The following FGR variants were observed in gnomAD, a reference collection of about 807,000 sequenced individuals.
FGR encodes tyrosine-protein kinase Fgr.
Under a neutral mutation model 63.2 loss-of-function variants are expected in FGR, and 26 were observed. The observed-to-expected ratio is 0.41, with a 90% confidence interval of 0.30 to 0.57. The LOEUF is 0.57. Among genes scored for constraint, FGR ranks in the 20% least tolerant of loss-of-function variants. The pLI is 0.27. For synonymous variants in FGR, 286 were observed against 277.7 expected (o/e 1.03, Z -0.30); for missense variants, 511 against 690.8 (o/e 0.74, Z 2.92).
chr1:27,615,685 G>A lies in FGR; in HGVS notation c.838+4C>T. 3 of 1,599,548 alleles carry A rather than the reference G, an allele frequency of 1.9e-6. No individual in the cohort carries two copies. Among genetic ancestry groups the A allele is most frequent in the Non-Finnish European group, 2.6e-6 (3 of 1,169,628 alleles). ...CCTCGTCCCGGCCCCCGGGAGCTCC[G>A]TACCCAGCCACACATCCCCGAAGCA... On this transcript the variant is annotated splice_donor_region_variant and intron_variant, in intron 8 of 12. Coordinates refer to ENST00000374005, the MANE Select transcript of FGR (RefSeq NM_005248.3). The surrounding 1 kb of genome is among the most constrained non-coding windows in gnomAD (Gnocchi z 7.6).
intron 5 of FGR, among the ~76,000 whole-genome samples, chr1:27,620,877 A>T (rs1208377054): frequency 6.7e-6 from 1 of 149,788 alleles, no homozygotes; most frequent in Non-Finnish European, 1.5e-5. Context: ...AAAAAAAAAT[A>T]TTAGCCAGGC....
intron 4 of FGR, 38 bp downstream of exon 4, chr1:27,623,004 C>A: frequency 1.4e-6 from 2 of 1,449,982 alleles, no homozygotes; most frequent in African/African-American, 1.4e-5. Context: ...CTGCTCCCAG[C>A]CCAGGCAATG....
At position 27,616,819 on chromosome 1, in the gene FGR, A is replaced by C. The variant is rs2089820523; in HGVS notation, c.682+38T>G. The stretch of plus-strand genomic sequence containing the variant: ...AGTTCCCCCATCTGGACAATGCTTC[A>C]GTTGGTTGGTTCAGGGATCTGAGGC... On this transcript the variant is annotated intron_variant, in intron 7 of 12. Transcript: ENST00000374005. The surrounding 1 kb of genome is among the most constrained non-coding windows in gnomAD (Gnocchi z 4.3). The C allele has an allele frequency of 6.2e-7, 1 of 1,607,490 alleles. No individual in the cohort carries two copies. The highest frequency in any genetic ancestry group is 8.5e-7 in the Non-Finnish European group (1 of 1,174,256).
intron 5 of FGR, among the ~76,000 whole-genome samples, chr1:27,620,145 C>T (rs1216206011): frequency 6.6e-6 from 1 of 151,372 alleles, no homozygotes; most frequent in Non-Finnish European, 1.5e-5. Flanking sequence ...CGTGAAACCC[C>T]GTCTCTACTA....
intron 5 of FGR, among the ~76,000 whole-genome samples, chr1:27,619,798 G>T (rs112055047): frequency 1.3e-5 from 2 of 152,094 alleles, no homozygotes; most frequent in African/African-American, 4.8e-5. Flanking sequence ...TGTGTTTCCC[G>T]CCTTAGCAAA....
At chr1:27,634,341 G>A (rs911335181) in intron 1 of FGR, among the ~76,000 whole-genome samples, 4 of 152,144 alleles carry the variant, frequency 2.6e-5, no homozygotes, top group Non-Finnish European at 4.4e-5. Context: ...TGTCCCTGCC[G>A]AGGGCGGGGA....
intron 1 of FGR, among the ~76,000 whole-genome samples, chr1:27,629,526 G>A (rs1251166918): frequency 6.6e-6 from 1 of 152,118 alleles, no homozygotes; most frequent in Non-Finnish European, 1.5e-5. Flanking sequence ...AAAGAGACAA[G>A]GAGGGAAAAA....
chr1:27,634,535 C>A (rs2090151730), intron 1 of FGR, among the ~76,000 whole-genome samples: 1 of 152,140 alleles, frequency 6.6e-6, no homozygotes, highest in African/African-American at 2.4e-5. Context: ...TTCCTGGACC[C>A]GCAATTGCAC....
At position 27,623,786 on chromosome 1, in the gene FGR, G is replaced by T; in HGVS notation, c.131C>A (p.Ala44Glu). Reference protein sequence around the residue: ...YGPDPTKARPASSFAHIPNYS... With the variant: ...YGPDPTKARPESSFAHIPNYS... ...GTTGGGGATGTGGGCAAATGAGGAT[G>T]CAGGCCGGGCCTTAGTGGGGTCAGG... Residue 44 changes from alanine (A) to glutamate (E), a missense_variant, in exon 3 of 13, where the codon GCA becomes GAA. Ala to Glu is a moderately radical substitution (Grantham distance 107). Coordinates refer to ENST00000374005, the MANE Select transcript of FGR (RefSeq NM_005248.3). 2 of 1,614,248 alleles carry T rather than the reference G, an allele frequency of 1.2e-6. No homozygotes were observed. Among genetic ancestry groups the T allele is most frequent in the Non-Finnish European group, 1.7e-6 (2 of 1,180,044 alleles).
In FGR at chr1:27,615,259, T is replaced by C. The variant is rs916171718; in HGVS notation, c.1018+175A>G. ...GCCCCCCTCCCCAGCTCCCTAGTGGTCTCACTCGGCCCGGCTCCCACCTCA... is the reference window on the plus strand; with the variant it reads ...GCCCCCCTCCCCAGCTCCCTAGTGGCCTCACTCGGCCCGGCTCCCACCTCA... On this transcript the variant is annotated intron_variant, in intron 9 of 12. Coordinates refer to ENST00000374005, the MANE Select transcript of FGR (RefSeq NM_005248.3). This position sits in a 1 kb window ranked among gnomAD's most constrained non-coding sequence, Gnocchi z 7.6. 1.3e-5 allele frequency among the ~76,000 whole-genome samples: 2 copies of C among 151,506 alleles called. No individual in the cohort carries two copies. Among genetic ancestry groups the C allele is most frequent in the Non-Finnish European group, 2.9e-5 (2 of 67,872 alleles).
chr1:27,626,706 C>T (rs2090027049), intron 1 of FGR: 1 of 152,466 alleles, frequency 6.6e-6, no homozygotes, highest in Admixed American at 6.5e-5. Flanking sequence ...GAGACCTTTG[C>T]CCCGGGACCC....
At chr1:27,625,745 C>A (rs1314734297) in intron 1 of FGR, among the ~76,000 whole-genome samples, 1 of 152,104 alleles carries the variant, frequency 6.6e-6, no homozygotes, top group African/African-American at 2.4e-5. Context: ...TCGAGACCAG[C>A]CTGGCCAATA....
In FGR at chr1:27,617,327, C is replaced by T. The variant is rs746225006; in HGVS notation, c.429-31G>A. The T allele has an allele frequency of 3.5e-5, 54 of 1,538,146 alleles. No homozygotes were observed. Among genetic ancestry groups the T allele is most frequent in the South Asian group, 2.9e-4 (26 of 89,570 alleles). On this transcript the variant is annotated intron_variant, in intron 5 of 12. Coordinates refer to ENST00000374005, the MANE Select transcript of FGR (RefSeq NM_005248.3). This position sits in a 1 kb window ranked among gnomAD's most constrained non-coding sequence, Gnocchi z 4.5. ...GGGAAAGGCAGGCAAGAGTCAGGTA[C>T]GCTCTGCTCAAACCTCACCTCAGCC...
At chr1:27,634,807 T>A (rs888748030) in intron 1 of FGR, among the ~76,000 whole-genome samples, 2 of 152,014 alleles carry the variant, frequency 1.3e-5, no homozygotes, top group Admixed American at 6.5e-5. Context: ...TAGACCTTTT[T>A]GGGGGTCCCT....
intron 1 of FGR, among the ~76,000 whole-genome samples, chr1:27,633,237 T>C (rs2090131614): frequency 6.6e-6 from 1 of 152,108 alleles, no homozygotes; most frequent in African/African-American, 2.4e-5. Flanking sequence ...AGAGACGAGA[T>C]GTCCTGGAAT....
chr1:27,628,186 C>CA (rs1368295767), intron 1 of FGR, among the ~76,000 whole-genome samples: 3,552 of 141,912 alleles, frequency 0.025, 152 homozygotes, highest in African/African-American at 0.088. Context: ...AAAAAAAAAA[C>CA]AAAAAAAAAC....
intron 5 of FGR, among the ~76,000 whole-genome samples, chr1:27,620,991 C>CAAAAAAAAAAAA (rs59265327): frequency 2.5e-3 from 54 of 21,960 alleles, no homozygotes; most frequent in East Asian, 6.2e-3. Flanking sequence ...GACCCTGTCT[C>CAAAAAAAAAAAA]AAAAAAAAAA....
chr1:27,624,028 G>T, intron 2 of FGR, 99 bp from the exon 3 acceptor site: 1 of 1,065,288 alleles, frequency 9.4e-7, no homozygotes, highest in Non-Finnish European at 1.3e-6. Flanking sequence ...ACAGGCACGT[G>T]GCTTTCCCTC....
chr1:27,625,041 C>T (rs1014607852), intron 2 of FGR, 48 bp downstream of exon 2: 3 of 152,504 alleles, frequency 2.0e-5, no homozygotes, highest in African/African-American at 7.3e-5. Flanking sequence ...GGAAGGCCAC[C>T]CCCACCCTGT....
Sources: allele counts gnomAD v4.1 joint callset (sites outside exome capture counted in the v4.1 genomes callset), GRCh38; gene constraint gnomAD v4.1.1; non-coding constraint Gnocchi (gnomAD v3.1); transcripts MANE v1.5; gene names NCBI Gene and HGNC (gene_info 2026-07-23, HGNC 2026-07-21).